Variants in PARN observed in about 807,000 individuals in gnomAD.
The protein encoded by PARN is poly(A)-specific ribonuclease, also known as poly(A)-specific ribonuclease PARN.
Under a neutral mutation model 102.8 loss-of-function variants are expected in PARN, and 71 were observed. The ratio of observed to expected loss-of-function variants is 0.69; its 90% CI spans 0.57 to 0.84. The LOEUF (loss-of-function observed/expected upper bound fraction) is 0.84. PARN is among the 40% of genes least tolerant of loss of function. PARN has a pLI of 0.00. For synonymous variants in PARN, 261 were observed against 252.9 expected (o/e 1.03, Z -0.30); for missense variants, 782 against 760.9 (o/e 1.03, Z -0.33).
chr16:14,491,056 G>C (rs1964034441), intron 21 of PARN, among the ~76,000 whole-genome samples: 2 of 152,026 alleles, frequency 1.3e-5, no homozygotes, highest in South Asian at 4.2e-4. Flanking sequence ...TACTAAGTTG[G>C]AAACAGGAAT....
intron 18 of PARN, among the ~76,000 whole-genome samples, chr16:14,559,278 A>C (rs1415860820): frequency 6.6e-6 from 1 of 151,796 alleles, no homozygotes; most frequent in African/African-American, 2.4e-5. Context: ...TGTTTTGAAA[A>C]AATTTTTTTG....
At chr16:14,587,434 G>C (rs1451105601) in intron 13 of PARN, among the ~76,000 whole-genome samples, 1 of 152,114 alleles carries the variant, frequency 6.6e-6, no homozygotes, top group Non-Finnish European at 1.5e-5. Context: ...TCCTCTAAAA[G>C]GCAACTCCAA....
chr16:14,445,564 TTG>T (rs575523140), intron 23 of PARN, among the ~76,000 whole-genome samples: 153 of 152,248 alleles, frequency 1.0e-3, no homozygotes, highest in African/African-American at 3.4e-3. Context: ...TCACTTTCTT[TTG>T]TGTGTGTGTA....
rs765070513 is a variant in PARN, at chr16:14,582,202, T to C, written c.1171A>G (p.Ile391Val). 6 of 1,610,306 alleles carry C rather than the reference T, an allele frequency of 3.7e-6. No individual in the cohort carries two copies. The African/African-American group carries it at 6.7e-5, about 18-fold the overall frequency. ...YDAYITGLCF[I>V]SMANYLGSFL... ...GTACCTAGGTAATTGGCCATGGAGATGAAGCACAGCCCTGTGATGTAGGCA... is the reference window on the plus strand; with the variant it reads ...GTACCTAGGTAATTGGCCATGGAGACGAAGCACAGCCCTGTGATGTAGGCA... Residue 391 changes from isoleucine (I) to valine (V), a missense_variant, in exon 17 of 24, where the codon ATC becomes GTC. Coordinates refer to ENST00000437198, the MANE Select transcript of PARN (RefSeq NM_002582.4).
At chr16:14,470,822 GCT>G (rs1313946485) in intron 22 of PARN, among the ~76,000 whole-genome samples, 3 of 151,928 alleles carry the variant, frequency 2.0e-5, no homozygotes, top group African/African-American at 7.3e-5. Flanking sequence ...CCAGGGTCTT[GCT>G]CTGTTGCCAT....
At chr16:14,627,876 G>C (rs1972774994) in intron 3 of PARN, among the ~76,000 whole-genome samples, 1 of 152,172 alleles carries the variant, frequency 6.6e-6, no homozygotes, top group Non-Finnish European at 1.5e-5. Context: ...GGGCACAGTG[G>C]CTTGCGCCTG....
At chr16:14,545,668 A>C (rs1215427703) in intron 21 of PARN, among the ~76,000 whole-genome samples, 1 of 152,214 alleles carries the variant, frequency 6.6e-6, no homozygotes, top group Non-Finnish European at 1.5e-5. Flanking sequence ...GGTCCAGACA[A>C]AAGTAAACAT....
At chr16:14,610,470 CAAAA>C (rs554927448) in intron 7 of PARN, among the ~76,000 whole-genome samples, 170 bp downstream of exon 7, 4 of 91,332 alleles carry the variant, frequency 4.4e-5, no homozygotes, top group Non-Finnish European at 6.3e-5. Flanking sequence ...AAGACTGTCT[CAAAA>C]AAAAAAAAAA....
intron 3 of PARN, among the ~76,000 whole-genome samples, chr16:14,627,851 T>A (rs1288076392): frequency 3.3e-5 from 5 of 151,982 alleles, no homozygotes; most frequent in African/African-American, 4.8e-5. Context: ...TTAAAAAAAA[T>A]AATAATAATT....
At chr16:14,511,755 G>T (rs760810542) in intron 21 of PARN, among the ~76,000 whole-genome samples, 3 of 152,154 alleles carry the variant, frequency 2.0e-5, no homozygotes, top group Non-Finnish European at 4.4e-5. Flanking sequence ...GTCTGGAGTA[G>T]AGTGGCACGA....
intron 23 of PARN, among the ~76,000 whole-genome samples, chr16:14,446,332 T>C (rs928947361): frequency 6.6e-6 from 1 of 152,146 alleles, no homozygotes; most frequent in Non-Finnish European, 1.5e-5. Context: ...CTTCATCAAA[T>C]AAGGATGATG....
chr16:14,541,125 T>A (rs906573746), intron 21 of PARN, among the ~76,000 whole-genome samples: 1 of 151,578 alleles, frequency 6.6e-6, no homozygotes, highest in Admixed American at 6.6e-5. Flanking sequence ...ACATCTTTTT[T>A]TTTTTTTTTT....
intron 21 of PARN, among the ~76,000 whole-genome samples, chr16:14,496,897 C>T (rs1211776813): frequency 6.6e-6 from 1 of 152,138 alleles, no homozygotes; most frequent in Non-Finnish European, 1.5e-5. Flanking sequence ...TTTAATCCTA[C>T]CCCTGTAAAG....
intron 21 of PARN, among the ~76,000 whole-genome samples, chr16:14,526,754 A>C (rs1219705027): frequency 6.6e-6 from 1 of 152,242 alleles, no homozygotes; most frequent in African/African-American, 2.4e-5. Flanking sequence ...CCATTTGCCT[A>C]ACTATCCAGT....
Position 14,629,581 on chromosome 16 carries a change from T to A in PARN, c.97+16A>T, listed in dbSNP as rs749325991. The A allele has an allele frequency of 1.9e-6, 3 of 1,588,698 alleles. No individual in the cohort carries two copies. In the African/African-American group the frequency reaches 4.0e-5, roughly 21 times the overall value. ...GCACTGCAAAGTGCTAGCCTGAGCTTGCAAGGGAGGGATACCTGAAAACTC... is the reference window on the plus strand; with the variant it reads ...GCACTGCAAAGTGCTAGCCTGAGCTAGCAAGGGAGGGATACCTGAAAACTC... On this transcript the variant is annotated intron_variant, in intron 2 of 23. Transcript: ENST00000437198.
intron 21 of PARN, among the ~76,000 whole-genome samples, chr16:14,505,866 A>AT: frequency 6.6e-6 from 1 of 152,300 alleles, no homozygotes; most frequent in East Asian, 1.9e-4. Flanking sequence ...AAAGCAATCC[A>AT]TTTTTTAAAA....
chr16:14,565,605 G>A (rs1968380110), intron 18 of PARN, among the ~76,000 whole-genome samples: 1 of 152,244 alleles, frequency 6.6e-6, no homozygotes, highest in African/African-American at 2.4e-5. Flanking sequence ...AACAGTCTAA[G>A]TCAACATCTT....
chr16:14,446,566 A>G (rs1313596235), intron 23 of PARN, among the ~76,000 whole-genome samples: 3 of 152,200 alleles, frequency 2.0e-5, no homozygotes, highest in Non-Finnish European at 4.4e-5. Flanking sequence ...GCCTCTGCGC[A>G]CATTTAAATG....
At chr16:14,612,601 CT>C (rs965677367) in intron 6 of PARN, among the ~76,000 whole-genome samples, 3 of 150,330 alleles carry the variant, frequency 2.0e-5, no homozygotes, top group African/African-American at 7.3e-5. Flanking sequence ...ATTTTTTTTT[CT>C]TTTTTTTCTT....
Sources: allele counts gnomAD v4.1 joint callset (sites outside exome capture counted in the v4.1 genomes callset), GRCh38; gene constraint gnomAD v4.1.1; transcripts MANE v1.5; gene names NCBI Gene and HGNC (gene_info 2026-07-23, HGNC 2026-07-21).